LRRIQ1: variants seen among roughly 807,000 people sequenced by gnomAD.
LRRIQ1 encodes the protein leucine rich repeats and IQ motif containing 1, also known as leucine-rich repeat- and IQ domain-containing protein 1.
In LRRIQ1, 210 loss-of-function variants were observed where a neutral mutation model predicts 211.9. That is an observed-to-expected ratio of 0.99 (90% CI 0.89 to 1.11). The LOEUF is 1.11. LRRIQ1 is among the 50% of genes most tolerant of loss of function. LRRIQ1 has a pLI of 0.00. For missense variants in LRRIQ1, 2,136 were observed against 1,939.5 expected (o/e 1.10, Z -1.90); for synonymous variants, 699 against 650.1 (o/e 1.08, Z -1.14).
chr12:85,044,270 G>A (rs1433243266), intron 3 of LRRIQ1, among the ~76,000 whole-genome samples: 6 of 151,774 alleles, frequency 4.0e-5, no homozygotes, highest in Non-Finnish European at 7.4e-5. Context: ...CATAAAATAA[G>A]AAATATAATT....
intron 26 of LRRIQ1, among the ~76,000 whole-genome samples, chr12:85,238,676 T>C (rs1035709697): frequency 6.6e-6 from 1 of 151,996 alleles, no homozygotes; most frequent in South Asian, 2.1e-4. Flanking sequence ...GCAGAAAATG[T>C]TTACCACGAA....
chr12:85,243,579 GTTAA>G (rs1895570363), intron 26 of LRRIQ1, among the ~76,000 whole-genome samples: 1 of 150,944 alleles, frequency 6.6e-6, no homozygotes, highest in Non-Finnish European at 1.5e-5. Flanking sequence ...CAATACATAT[GTTAA>G]TTTGCTCAAT....
intron 24 of LRRIQ1, among the ~76,000 whole-genome samples, chr12:85,208,215 A>C (rs1285782255): frequency 6.6e-6 from 1 of 152,026 alleles, no homozygotes; most frequent in African/African-American, 2.4e-5. Flanking sequence ...AAAAAAAAAG[A>C]AATGAAAGTT....
rs765148619 is a variant in LRRIQ1 at position 85,121,744 on chromosome 12, A to G, written c.3425A>G (p.Asn1142Ser). 13 of 1,605,204 alleles carry G rather than the reference A, an allele frequency of 8.1e-6. No individual in the cohort carries two copies. Among genetic ancestry groups the G allele is most frequent in the South Asian group, 2.2e-5 (2 of 89,404 alleles). The change falls in exon 16 of 27, where the codon AAT becomes AGT. Residue 1142 changes from asparagine to serine, a missense_variant. Asn to Ser is a conservative substitution (Grantham distance 46). Coordinates refer to ENST00000393217, the MANE Select transcript of LRRIQ1 (RefSeq NM_001079910.2). ...CCTGCTCTGAGAATCCTCAATGGCA[A>G]TATACTAAACTCTAATTCAGAAAGC... is the stretch of plus-strand genomic sequence containing the variant. ...VLPALRILNG[N>S]ILNSNSESRT...
rs1403481275 is a variant in LRRIQ1, at chr12:85,055,563, T to G, written c.770T>G (p.Leu257Trp). ...FKQHEEYIRN[L>W]HLQMEEERTR... The stretch of plus-strand genomic sequence containing the variant: ...TTGTTTTAGGAGTATATTAGAAACT[T>G]GCATTTACAAATGGAAGAAGAAAGA... The change falls in exon 8 of 27, where the codon TTG (leucine) becomes TGG (tryptophan). Residue 257 changes from leucine to tryptophan, a missense_variant. Leu to Trp is a moderately conservative substitution (Grantham distance 61). Coordinates refer to ENST00000393217, the MANE Select transcript of LRRIQ1 (RefSeq NM_001079910.2). 10 of 1,534,922 alleles carry G rather than the reference T, an allele frequency of 6.5e-6. No individual in the cohort carries two copies. The highest frequency in any genetic ancestry group is 8.7e-6 in the Non-Finnish European group (10 of 1,148,344).
the LRRIQ1 span, among the ~76,000 whole-genome samples, chr12:85,272,536 G>C: frequency 1.3e-5 from 2 of 151,410 alleles, no homozygotes; most frequent in Non-Finnish European, 2.9e-5. Context: ...ATTGCAAAAA[G>C]TGTTTGAAAC....
intron 2 of LRRIQ1, among the ~76,000 whole-genome samples, chr12:85,038,595 A>G (rs575804446): frequency 6.6e-6 from 1 of 151,836 alleles, no homozygotes; most frequent in East Asian, 1.9e-4. Flanking sequence ...ACATATCAAA[A>G]TGGTTACTTT....
chr12:85,098,564 T>A lies in LRRIQ1; in HGVS notation c.3081+16T>A. ...TCTGAGTGAGGTAATTGCTTTGAAT[T>A]AATTGATTTCTGTGATAAAGCAACA... On this transcript the variant is annotated intron_variant, in intron 12 of 26. Coordinates refer to ENST00000393217, the MANE Select transcript of LRRIQ1 (RefSeq NM_001079910.2). 6.4e-7 allele frequency: 1 copy of A among 1,573,302 alleles called. No individual in the cohort carries two copies.
At chr12:85,175,580 C>A (rs1261128696) in intron 24 of LRRIQ1, among the ~76,000 whole-genome samples, 1 of 152,110 alleles carries the variant, frequency 6.6e-6, no homozygotes, top group African/African-American at 2.4e-5. Flanking sequence ...AGTCCTTTCC[C>A]ATGCCTATGT....
intron 11 of LRRIQ1, among the ~76,000 whole-genome samples, chr12:85,090,811 G>A (rs1885311954): frequency 6.6e-6 from 1 of 152,148 alleles, no homozygotes; most frequent in East Asian, 1.9e-4. Flanking sequence ...GGGGACTGTT[G>A]GGAAGGCATG....
intron 19 of LRRIQ1, among the ~76,000 whole-genome samples, chr12:85,142,857 C>G (rs1398940864): frequency 6.6e-6 from 1 of 151,450 alleles, no homozygotes; most frequent in African/African-American, 2.4e-5. Flanking sequence ...GTTCATGTAT[C>G]CATTGATGGA....
At chr12:85,145,230 A>T (rs1889807983) in intron 19 of LRRIQ1, among the ~76,000 whole-genome samples, 2 of 151,658 alleles carry the variant, frequency 1.3e-5, no homozygotes, top group South Asian at 4.1e-4. Flanking sequence ...AATATCAGAA[A>T]TATATTAGAA....
At chr12:85,090,920 C>T (rs1030109534) in intron 11 of LRRIQ1, among the ~76,000 whole-genome samples, 4 of 152,122 alleles carry the variant, frequency 2.6e-5, no homozygotes, top group Non-Finnish European at 5.9e-5. Context: ...GCCCGAGTCT[C>T]ATGTTGAATT....
At chr12:85,226,305 AGTAGGTGAG>A (rs1658664252) in intron 24 of LRRIQ1, among the ~76,000 whole-genome samples, 1 of 152,090 alleles carries the variant, frequency 6.6e-6, no homozygotes. Flanking sequence ...CCATATCAGG[AGTAGGTGAG>A]TTTCAAGTCT....
chr12:85,143,891 A>G (rs1175918455), intron 19 of LRRIQ1, among the ~76,000 whole-genome samples: 1 of 151,600 alleles, frequency 6.6e-6, no homozygotes, highest in Non-Finnish European at 1.5e-5. Context: ...GTGTCCCTGT[A>G]TTGAGCCAGA....
rs374224062 is a variant in LRRIQ1 at position 85,141,646 on chromosome 12, C to A, written c.4329+3677C>A. Reference sequence around the variant, plus strand: ...TTCTAACCATTCTCATTCAACTTTACTGTGATTTTATATTTAAAATGTATC... The same window carrying A: ...TTCTAACCATTCTCATTCAACTTTAATGTGATTTTATATTTAAAATGTATC... On this transcript the variant is annotated intron_variant, in intron 19 of 26. Coordinates refer to ENST00000393217, the MANE Select transcript of LRRIQ1 (RefSeq NM_001079910.2). 2.0e-3 allele frequency among the ~76,000 whole-genome samples: 292 copies of A among 144,124 alleles called. 9 individuals are homozygous for A. The South Asian group carries it at 0.055, about 27-fold the overall frequency. The allele number at this position is 144,124 out of a possible 152,430, so 94.6% of individuals were successfully genotyped here.
intron 24 of LRRIQ1, among the ~76,000 whole-genome samples, chr12:85,182,005 A>T (rs1223282966): frequency 6.6e-6 from 1 of 151,960 alleles, no homozygotes; most frequent in Non-Finnish European, 1.5e-5. Context: ...TTCTATTGTT[A>T]TATGTGTCAG....
intron 7 of LRRIQ1, among the ~76,000 whole-genome samples, chr12:85,054,350 A>G (rs1880720985): frequency 6.6e-6 from 1 of 152,198 alleles, no homozygotes; most frequent in Non-Finnish European, 1.5e-5. Flanking sequence ...CACACCACCT[A>G]AAAAGGAGCA....
intron 11 of LRRIQ1, among the ~76,000 whole-genome samples, chr12:85,097,296 A>T (rs1885962791): frequency 6.6e-6 from 1 of 152,114 alleles, no homozygotes; most frequent in South Asian, 2.1e-4. Flanking sequence ...GCTGAAGGGG[A>T]AACAAAGCAC....
Sources: allele counts gnomAD v4.1 joint callset (sites outside exome capture counted in the v4.1 genomes callset), GRCh38; gene constraint gnomAD v4.1.1; transcripts MANE v1.5; gene names NCBI Gene and HGNC (gene_info 2026-07-23, HGNC 2026-07-21).